Variants in RAB11B observed in about 807,000 individuals in gnomAD.
The protein encoded by RAB11B is RAB11B, member RAS oncogene family, also known as ras-related protein Rab-11B.
Under a neutral mutation model 23.7 loss-of-function variants are expected in RAB11B, and 7 were observed. That is an observed-to-expected ratio of 0.29 (90% CI 0.17 to 0.55). RAB11B has a LOEUF of 0.55. Among genes scored for constraint, RAB11B ranks in the 20% least tolerant of loss-of-function variants. The pLI is 0.93. For synonymous variants in RAB11B, 138 were observed against 132.0 expected, an observed-to-expected ratio of 1.05 and a Z score of -0.31; for missense variants, 189 against 320.0, an observed-to-expected ratio of 0.59 and a Z score of 3.12.
intron 4 of RAB11B, among the ~76,000 whole-genome samples, chr19:8,403,182 T>A (rs1264580955): frequency 6.6e-6 from 1 of 152,144 alleles, no homozygotes; most frequent in Non-Finnish European, 1.5e-5. Flanking sequence ...TCTGGGAGTT[T>A]ACCTCTGAGG....
At chr19:8,402,317 G>A (rs1047950478) in intron 3 of RAB11B, 38 bp downstream of exon 3, 2 of 1,535,568 alleles carry the variant, frequency 1.3e-6, no homozygotes, top group Non-Finnish European at 1.8e-6. Flanking sequence ...AGAGGTGTCT[G>A]GAAGGCAGGA....
intron 1 of RAB11B, among the ~76,000 whole-genome samples, chr19:8,392,681 T>TTTTC (rs1971365854): frequency 9.8e-6 from 1 of 101,652 alleles, no homozygotes; most frequent in African/African-American, 3.8e-5. Flanking sequence ...TTCCTTTTTC[T>TTTTC]TTTCTTTTTT....
intron 1 of RAB11B, among the ~76,000 whole-genome samples, chr19:8,398,935 G>A (rs987279841): frequency 6.8e-6 from 1 of 147,942 alleles, no homozygotes; most frequent in Non-Finnish European, 1.5e-5. Flanking sequence ...TAGCCACCAC[G>A]CCCAGCTAAT....
In RAB11B at chr19:8,402,143, C is replaced by G; in HGVS notation, c.294C>G (p.Thr98=). The change falls in exon 3 of 5, where the codon ACC becomes ACG. Residue 98 remains threonine (T), a synonymous_variant. Coordinates refer to ENST00000328024, the MANE Select transcript of RAB11B (RefSeq NM_004218.4). ...TGTACGACATCGCCAAGCACCTGAC[C>G]TATGAGAACGTGGAGCGCTGGCTGA... ...LLVYDIAKHL[T]YENVERWLKE... is the part of the protein sequence containing the mutation. 1 of 1,609,066 alleles carries G rather than the reference C, an allele frequency of 6.2e-7. No individual in the cohort carries two copies. Among genetic ancestry groups the G allele is most frequent in the Non-Finnish European group, 8.5e-7 (1 of 1,177,836 alleles).
Position 8,403,488 on chromosome 19 carries a change from T to G in RAB11B, c.587T>G (p.Val196Gly). The change falls in exon 5 of 5, where the codon GTG (valine) becomes GGG (glycine). Residue 196 changes from valine to glycine, a missense_variant. Val to Gly is a moderately radical substitution (Grantham distance 109). Transcript: ENST00000328024. ...GACGAGTCCCCGGGGAACAACGTGG[T>G]GGACATCAGCGTGCCGCCCACCACG... The part of the protein sequence containing the change: ...AHDESPGNNV[V>G]DISVPPTTDG... 1.2e-6 allele frequency: 2 copies of G among 1,613,772 alleles called. No homozygotes were observed. Among genetic ancestry groups the G allele is most frequent in the Non-Finnish European group, 1.7e-6 (2 of 1,179,772 alleles).
At chr19:8,397,920 G>A (rs1971408996) in intron 1 of RAB11B, among the ~76,000 whole-genome samples, 1 of 152,146 alleles carries the variant, frequency 6.6e-6, no homozygotes, top group African/African-American at 2.4e-5. Flanking sequence ...GGATGACCAA[G>A]CCACTGAGCC....
chr19:8,390,487 T>C lies in RAB11B; in HGVS notation c.40+31T>C, dbSNP rs778795774. 3.4e-6 allele frequency: 5 copies of C among 1,480,324 alleles called. No individual in the cohort carries two copies. In the East Asian group the frequency reaches 1.1e-4, roughly 32 times the overall value. The allele number at this position is 1,480,324 out of a possible 1,614,324, so 91.7% of individuals were successfully genotyped here. On this transcript the variant is annotated intron_variant, in intron 1 of 4. Coordinates refer to ENST00000328024, the MANE Select transcript of RAB11B (RefSeq NM_004218.4). ...GCCGGTGGGGCACAGACGGGCGAAG[T>C]CGTGGCGGCGAGGCGGCGGGCAGAC... is the stretch of plus-strand genomic sequence containing the variant.
At position 8,392,685 on chromosome 19, in the gene RAB11B, C is replaced by CTTTTTTTTT. The variant is rs74176644; in HGVS notation, c.40+2243_40+2251dup. Among the ~76,000 whole-genome samples, 511 of 79,618 alleles carry CTTTTTTTTT rather than the reference C, an allele frequency of 6.4e-3. 13 individuals carry two copies. The highest frequency in any genetic ancestry group is 8.9e-3 in the African/African-American group (179 of 20,032). 52.2% of individuals were successfully genotyped at this position (79,618 alleles called of 152,430 possible). On this transcript the variant is annotated intron_variant, in intron 1 of 4. Coordinates refer to ENST00000328024, the MANE Select transcript of RAB11B (RefSeq NM_004218.4). The stretch of plus-strand genomic sequence containing the variant: ...ATATTTTTCTTTTCCTTTTTCTTTT[C>CTTTTTTTTT]TTTTTTTTTTTTTTTTTTTTTTGAG...
chr19:8,402,644 T>G lies in RAB11B; in HGVS notation c.511+79T>G, dbSNP rs544720557. ...ACGGCCTCTGAACCTTCGCTTGTTT[T>G]GTTCGTTTGCTTGTTTTTTTCTTTT... On this transcript the variant is annotated intron_variant, in intron 4 of 4. Coordinates refer to ENST00000328024, the MANE Select transcript of RAB11B (RefSeq NM_004218.4). 197 of 1,163,656 alleles carry G rather than the reference T, an allele frequency of 1.7e-4. 3 individuals are homozygous for G. The South Asian group carries it at 2.5e-3, about 15-fold the overall frequency. The allele number at this position is 1,163,656 out of a possible 1,614,324, so 72.1% of individuals were successfully genotyped here.
At chr19:8,397,106 G>A (rs568761825) in intron 1 of RAB11B, among the ~76,000 whole-genome samples, 39 of 152,316 alleles carry the variant, frequency 2.6e-4, no homozygotes, top group African/African-American at 8.2e-4. Context: ...GTAGGACCAA[G>A]CCAAAGTTAA....
rs1164751822 is a variant in RAB11B, at chr19:8,403,860, G to A, written c.*302G>A. ...GAGGCGAGGAGGACGGGCGGACGGC[G>A]CCGCCTTCTCCCCTTTTCCTTGGCC... On this transcript the variant is annotated 3_prime_UTR_variant, in exon 5 of 5. Transcript: ENST00000328024. 9 of 331,276 alleles carry A rather than the reference G, an allele frequency of 2.7e-5. No individual in the cohort carries two copies. The highest frequency in any genetic ancestry group is 1.3e-4 in the African/African-American group (6 of 46,886). 20.5% of individuals were successfully genotyped at this position (331,276 alleles called of 1,614,324 possible). A position where few individuals can be genotyped will look rare whatever the true frequency, so the allele number is the denominator to read the frequency against.
rs1193113151 is a variant in RAB11B at position 8,396,984 on chromosome 19, C to T, written c.41-2879C>T. On this transcript the variant is annotated intron_variant, in intron 1 of 4. Coordinates refer to ENST00000328024, the MANE Select transcript of RAB11B (RefSeq NM_004218.4). This position sits in a 1 kb window ranked among gnomAD's most constrained non-coding sequence, Gnocchi z 5.0. ...CCAGGGAGACATGGTGGGGTGCACC[C>T]CTCGTCCTCCCTTCTCTTGGATCTG... Among the ~76,000 whole-genome samples, 2 of 152,178 alleles carry T rather than the reference C, an allele frequency of 1.3e-5. No homozygotes were observed. The highest frequency in any genetic ancestry group is 2.9e-5 in the Non-Finnish European group (2 of 68,030).
At chr19:8,401,414 T>C (rs1210355341) in intron 2 of RAB11B, among the ~76,000 whole-genome samples, 1 of 151,354 alleles carries the variant, frequency 6.6e-6, no homozygotes, top group Non-Finnish European at 1.5e-5. Flanking sequence ...AGTCTCACTC[T>C]GTCATCCAGA....
intron 1 of RAB11B, among the ~76,000 whole-genome samples, chr19:8,398,590 A>G (rs758723025): frequency 5.9e-5 from 9 of 152,274 alleles, no homozygotes; most frequent in Non-Finnish European, 1.2e-4. Context: ...CTCAGGGCAC[A>G]TTCCTGTTTC....
intron 1 of RAB11B, among the ~76,000 whole-genome samples, chr19:8,398,797 G>A (rs768121789): frequency 2.0e-5 from 3 of 151,906 alleles, no homozygotes; most frequent in African/African-American, 4.8e-5. Flanking sequence ...TGCTCTTTTC[G>A]TGGGGGGAGA....
intron 2 of RAB11B, 59 bp downstream of exon 2, chr19:8,400,117 G>A (rs1258767265): frequency 4.5e-6 from 7 of 1,570,006 alleles, no homozygotes; most frequent in Middle Eastern, 2.0e-4. Flanking sequence ...CTTGCAGCGC[G>A]TGGGCTTGGA....
At chr19:8,390,525 C>T in intron 1 of RAB11B, 69 bp downstream of exon 1, 1 of 1,380,750 alleles carries the variant, frequency 7.2e-7, no homozygotes, top group Non-Finnish European at 9.4e-7. Flanking sequence ...GCCAAGGCCG[C>T]GCTCCAGGCC....
Position 8,403,653 on chromosome 19 carries a change from C to T in RAB11B, c.*95C>T, listed in dbSNP as rs1971456390. On this transcript the variant is annotated 3_prime_UTR_variant, in exon 5 of 5. Coordinates refer to ENST00000328024, the MANE Select transcript of RAB11B (RefSeq NM_004218.4). The stretch of plus-strand genomic sequence containing the variant: ...CCCTGCTGTCCCTCTGTGGCCGGCT[C>T]GTTCCAGCCCTCCCAGTGAGCTCTG... The T allele has an allele frequency of 6.0e-6, 9 of 1,492,272 alleles. No individual in the cohort carries two copies. The highest frequency in any genetic ancestry group is 2.4e-5 in the East Asian group (1 of 42,250). 92.4% of individuals were successfully genotyped at this position (1,492,272 alleles called of 1,614,324 possible).
intron 4 of RAB11B, among the ~76,000 whole-genome samples, 184 bp from the exon 5 acceptor site, chr19:8,403,229 G>A (rs186730311): frequency 7.9e-5 from 12 of 152,176 alleles, no homozygotes; most frequent in African/African-American, 1.9e-4. Context: ...GCGAGAGGCC[G>A]GGGCTGGCTG....
Sources: allele counts gnomAD v4.1 joint callset (sites outside exome capture counted in the v4.1 genomes callset), GRCh38; gene constraint gnomAD v4.1.1; non-coding constraint Gnocchi (gnomAD v3.1); transcripts MANE v1.5; gene names NCBI Gene and HGNC (gene_info 2026-07-23, HGNC 2026-07-21).